DPM1: variants seen among roughly 807,000 people sequenced by gnomAD.
DPM1 encodes dolichyl-phosphate mannosyltransferase subunit 1, catalytic, also known as dolichol-phosphate mannosyltransferase subunit 1.
DPM1 carries 27 observed loss-of-function variants against 39.0 expected under a neutral mutation model. The observed-to-expected ratio is 0.69, with a 90% CI of 0.51 to 0.95. The LOEUF (loss-of-function observed/expected upper bound fraction) is 0.95, where lower values mean the gene tolerates loss of function less well. Among genes scored for constraint, DPM1 ranks in the 40% least tolerant of loss-of-function variants. The probability of loss-of-function intolerance (pLI) is 0.00; values close to 1 mark genes in which losing one functional copy is unlikely to be tolerated. For synonymous variants in DPM1, 124 were observed against 109.0 expected, an observed-to-expected ratio of 1.14 and a Z score of -0.86; for missense variants, 307 against 315.6, an observed-to-expected ratio of 0.97 and a Z score of 0.21.
intron 3 of DPM1, 73 bp from the exon 4 acceptor site, chr20:50,945,996 T>C (rs939196457): frequency 7.5e-7 from 1 of 1,327,238 alleles, no homozygotes; most frequent in Non-Finnish European, 1.1e-6. Flanking sequence ...ATCAAGGAAA[T>C]TGTTTAGCAC....
At position 50,956,694 on chromosome 20, in the gene DPM1, G is replaced by A. The variant is rs574450037; in HGVS notation, c.162-1409C>T. Among the ~76,000 whole-genome samples the A allele has an allele frequency of 1.6e-3, 247 of 152,302 alleles. 1 individual carries two copies. Among genetic ancestry groups the A allele is most frequent in the South Asian group, 0.011 (53 of 4,828 alleles). ...TCTCCAAGAGTAGAACAATGACTTTGGCTTCCCACTGTGCCTTAAATCTGG... is the reference window on the plus strand; with the variant it reads ...TCTCCAAGAGTAGAACAATGACTTTAGCTTCCCACTGTGCCTTAAATCTGG... On this transcript the variant is annotated intron_variant, in intron 1 of 8. Transcript: ENST00000371588.
At chr20:50,940,375 C>T (rs936682904) in intron 7 of DPM1, among the ~76,000 whole-genome samples, 2 of 151,906 alleles carry the variant, frequency 1.3e-5, no homozygotes, top group Non-Finnish European at 2.9e-5. Flanking sequence ...AAATCTAGAC[C>T]ACCACCCCAT....
intron 8 of DPM1, 34 bp downstream of exon 8, chr20:50,936,114 G>C: frequency 6.8e-7 from 1 of 1,467,972 alleles, no homozygotes; most frequent in South Asian, 1.1e-5. Context: ...CCTTTACCAG[G>C]AACATGACAC....
intron 2 of DPM1, among the ~76,000 whole-genome samples, chr20:50,951,803 T>C (rs866437811): frequency 6.8e-6 from 1 of 146,390 alleles, no homozygotes; most frequent in African/African-American, 2.8e-5. Context: ...AAAAAATAAA[T>C]AAATAAATAA....
chr20:50,935,942 A>G (rs1985119955), intron 8 of DPM1, among the ~76,000 whole-genome samples: 1 of 152,254 alleles, frequency 6.6e-6, no homozygotes, highest in Admixed American at 6.5e-5. Context: ...AATTATTTAA[A>G]AGAGAATGCT....
intron 7 of DPM1, among the ~76,000 whole-genome samples, chr20:50,938,772 G>A (rs1263344515): frequency 6.6e-6 from 1 of 151,178 alleles, no homozygotes; most frequent in East Asian, 2.0e-4. Context: ...CTGAGGTCGG[G>A]AGTTCAAGAC....
intron 7 of DPM1, among the ~76,000 whole-genome samples, chr20:50,938,810 T>G (rs1985449984): frequency 6.6e-6 from 1 of 151,140 alleles, no homozygotes; most frequent in African/African-American, 2.4e-5. Context: ...AGAAACCCCA[T>G]CTCTACTAAA....
chr20:50,940,086 TTGTGTGTGTGTGTGTGTGTGTGTG>T (rs11469059), intron 7 of DPM1, among the ~76,000 whole-genome samples: 1 of 146,538 alleles, frequency 6.8e-6, no homozygotes, highest in Non-Finnish European at 1.5e-5. Flanking sequence ...AGGTCCTAAT[TTGTGTGTGTGTGTGTGTGTGTGTG>T]TGTGTGTGTG....
intron 2 of DPM1, among the ~76,000 whole-genome samples, chr20:50,948,866 A>G (rs1364234477): frequency 6.8e-6 from 1 of 146,844 alleles, no homozygotes; most frequent in Admixed American, 6.8e-5. Flanking sequence ...CGTAGCTAAC[A>G]TTTTTTTTTT....
At chr20:50,957,683 G>C (rs1986902384) in intron 1 of DPM1, among the ~76,000 whole-genome samples, 1 of 152,214 alleles carries the variant, frequency 6.6e-6, no homozygotes, top group South Asian at 2.1e-4. Flanking sequence ...ATGTTAATAT[G>C]AGAAAAAGTC....
intron 6 of DPM1, among the ~76,000 whole-genome samples, chr20:50,941,369 T>A (rs6096197): frequency 1.2e-3 from 164 of 135,778 alleles, no homozygotes; most frequent in African/African-American, 4.9e-3. Flanking sequence ...ACATATATAT[T>A]CATATTATAT....
intron 1 of DPM1, 25 bp from the exon 2 acceptor site, chr20:50,955,310 T>G (rs766009810): frequency 1.0e-5 from 15 of 1,478,464 alleles, no homozygotes; most frequent in Non-Finnish European, 1.3e-5. Context: ...TTTGTATTAA[T>G]GACTGATGAC....
chr20:50,955,342 A>T, intron 1 of DPM1, 57 bp from the exon 2 acceptor site: 1 of 1,238,230 alleles, frequency 8.1e-7, no homozygotes, highest in Non-Finnish European at 1.2e-6. Context: ...ATTTAAAAGT[A>T]ATTTAAAAAT....
intron 6 of DPM1, chr20:50,941,227 A>AAAATATATATAT: frequency 1.6e-5 from 1 of 60,794 alleles, no homozygotes; most frequent in African/African-American, 8.3e-5. Context: ...AAAAAAAGTG[A>AAAATATATATAT]ATATATATAT....
intron 5 of DPM1, 48 bp from the exon 6 acceptor site, chr20:50,942,174 A>G: frequency 6.6e-7 from 1 of 1,522,322 alleles, no homozygotes. Context: ...TGAGCTTTCA[A>G]CAGTCATTTT....
At chr20:50,939,299 T>C (rs535923139) in intron 7 of DPM1, among the ~76,000 whole-genome samples, 38 of 152,340 alleles carry the variant, frequency 2.5e-4, no homozygotes, top group African/African-American at 9.1e-4. Context: ...CTTCCCGCTG[T>C]ACAGAGATTT....
intron 2 of DPM1, among the ~76,000 whole-genome samples, chr20:50,954,137 T>C (rs1290517461): frequency 3.3e-5 from 5 of 152,180 alleles, no homozygotes; most frequent in South Asian, 2.1e-4. Flanking sequence ...GTATTTCTAT[T>C]ACTGAGATTT....
rs771510447 is a variant in DPM1, at chr20:50,934,941, T to C, written c.*191A>G. The C allele has an allele frequency of 3.1e-5, 16 of 508,278 alleles. No individual in the cohort carries two copies. The highest frequency in any genetic ancestry group is 4.9e-5 in the Non-Finnish European group (14 of 283,476). 31.5% of individuals were successfully genotyped at this position (508,278 alleles called of 1,614,324 possible). ...AAAATGAAAACGAAAATTGAGAACA[T>C]TGCTCATTAGGCCAGCAACTTTAAA... On this transcript the variant is annotated 3_prime_UTR_variant, in exon 9 of 9. Transcript: ENST00000371588.
Position 50,958,501 on chromosome 20 carries a change from C to T in DPM1, c.23G>A (p.Arg8His), listed in dbSNP as rs1568777491. Residue 8 changes from arginine (R) to histidine (H), a missense_variant, in exon 1 of 9, where the codon CGT becomes CAT. Arg to His is a conservative substitution (Grantham distance 29, BLOSUM62 0). Around this residue, in one of 3 missense-constraint regions of DPM1, gnomAD observed 206 missense variants for 188.2 expected, o/e 1.09. Coordinates refer to ENST00000371588, the MANE Select transcript of DPM1 (RefSeq NM_003859.3). MASLEVS[R>H]SPRRSRRELE... ...CTCCCGCCGAGACCTGCGAGGACTA[C>T]GACTGACTTCCAAGGAGGCCATGGC... 1.1e-5 allele frequency: 17 copies of T among 1,613,548 alleles called. No individual in the cohort carries two copies. In the East Asian group the frequency reaches 1.3e-4, roughly 13 times the overall value.
Sources: allele counts gnomAD v4.1 joint callset (sites outside exome capture counted in the v4.1 genomes callset), GRCh38; gene constraint gnomAD v4.1.1; regional missense constraint gnomAD v4.1.1; transcripts MANE v1.5; gene names NCBI Gene and HGNC (gene_info 2026-07-23, HGNC 2026-07-21).